RABEP1: variants seen among roughly 807,000 people sequenced by gnomAD.
The protein encoded by RABEP1 is rabaptin, RAB GTPase binding effector protein 1.
Under a neutral mutation model 123.4 loss-of-function variants are expected in RABEP1, and 51 were observed. That is an observed-to-expected ratio of 0.41 (90% confidence interval 0.33 to 0.52). The LOEUF is 0.52. Among genes scored for constraint, RABEP1 ranks in the 20% least tolerant of loss-of-function variants. The pLI is 0.16. For missense variants in RABEP1, 888 were observed against 996.3 expected (o/e 0.89, Z 1.46); for synonymous variants, 347 against 355.2 (o/e 0.98, Z 0.26).
At position 5,287,265 on chromosome 17, in the gene RABEP1, C is replaced by T. The variant is rs184832989; in HGVS notation, c.34+4745C>T. ...TATGTTTTAAAAAAATCACTCTGGG[C>T]CAAAGTGCTGGGATTACAGGCGAGG... On this transcript the variant is annotated intron_variant, in intron 1 of 17. Coordinates refer to ENST00000537505, the MANE Select transcript of RABEP1 (RefSeq NM_004703.6). Among the ~76,000 whole-genome samples, 8 of 152,142 alleles carry T rather than the reference C, an allele frequency of 5.3e-5. No homozygotes were observed. The East Asian group carries it at 1.4e-3, about 26-fold the overall frequency.
At position 5,367,328 on chromosome 17, in the gene RABEP1, G is replaced by A. The variant is rs543525261; in HGVS notation, c.1786-1042G>A. 1.4e-3 allele frequency among the ~76,000 whole-genome samples: 216 copies of A among 151,880 alleles called. 1 individual carries two copies. The highest frequency in any genetic ancestry group is 3.4e-3 in the Middle Eastern group (1 of 294). The stretch of plus-strand genomic sequence containing the variant: ...GCTGTGTCGCCCAGGCTAGAGTGCA[G>A]TGGCACGATCTTGGCTCACTGCAAC... On this transcript the variant is annotated intron_variant, in intron 11 of 17. Coordinates refer to ENST00000537505, the MANE Select transcript of RABEP1 (RefSeq NM_004703.6).
At chr17:5,342,808 A>G (rs1907728139) in intron 5 of RABEP1, among the ~76,000 whole-genome samples, 1 of 152,238 alleles carries the variant, frequency 6.6e-6, no homozygotes, top group South Asian at 2.1e-4. Context: ...TAGCAGGACC[A>G]CAGTAAAGCT....
At position 5,346,903 on chromosome 17, in the gene RABEP1, A is replaced by T. The variant is rs1908109579; in HGVS notation, c.762A>T (p.Lys254Asn). ...QKSVLQEDAE[K>N]LRKELHEVCH... ...CTGTTCTACAGGAAGATGCTGAGAAACTGCGGAAAGAATTGCATGAAGGTA... is the reference window on the plus strand; with the variant it reads ...CTGTTCTACAGGAAGATGCTGAGAATCTGCGGAAAGAATTGCATGAAGGTA... Residue 254 changes from lysine (K) to asparagine (N), a missense_variant, in exon 6 of 18, where the codon AAA becomes AAT. Coordinates refer to ENST00000537505, the MANE Select transcript of RABEP1 (RefSeq NM_004703.6). 1 of 1,605,110 alleles carries T rather than the reference A, an allele frequency of 6.2e-7. No individual in the cohort carries two copies. The highest frequency in any genetic ancestry group is 1.3e-5 in the African/African-American group (1 of 74,758).
chr17:5,290,878 T>G (rs2075026727), intron 1 of RABEP1, among the ~76,000 whole-genome samples: 1 of 152,172 alleles, frequency 6.6e-6, no homozygotes, highest in Non-Finnish European at 1.5e-5. Context: ...TACAGGTGTG[T>G]GCCACCAGAC....
At chr17:5,370,615 C>A (rs1453278844) in intron 12 of RABEP1, among the ~76,000 whole-genome samples, 3 of 152,100 alleles carry the variant, frequency 2.0e-5, no homozygotes, top group Non-Finnish European at 2.9e-5. Context: ...CTGATTATCT[C>A]CTTGTGATTT....
Position 5,386,027 on chromosome 17 carries a change from T to C in RABEP1, c.*2804T>C. ...TGTAGGCTTGAGTTATAAAGCACATTCCAAATTTTAAATAAAAGCATTTAC... is the reference window on the plus strand; with the variant it reads ...TGTAGGCTTGAGTTATAAAGCACATCCCAAATTTTAAATAAAAGCATTTAC... On this transcript the variant is annotated 3_prime_UTR_variant, in exon 18 of 18. Transcript: ENST00000537505. The C allele has an allele frequency of 1.8e-6, 1 of 553,576 alleles. No homozygotes were observed. The highest frequency in any genetic ancestry group is 3.6e-5 in the Admixed American group (1 of 27,694). 34.3% of individuals were successfully genotyped at this position (553,576 alleles called of 1,614,324 possible).
At chr17:5,347,616 T>C (rs1287755523) in intron 6 of RABEP1, among the ~76,000 whole-genome samples, 2 of 152,142 alleles carry the variant, frequency 1.3e-5, no homozygotes, top group Non-Finnish European at 2.9e-5. Context: ...CACTCTGTTT[T>C]TAAGGGGACA....
At chr17:5,337,533 T>A (rs1907209635) in intron 4 of RABEP1, among the ~76,000 whole-genome samples, 1 of 149,000 alleles carries the variant, frequency 6.7e-6, no homozygotes, top group Non-Finnish European at 1.5e-5. Context: ...AAAATAATAA[T>A]AAAAAAAAAA....
chr17:5,373,285 G>A (rs1156373448), intron 12 of RABEP1, 29 bp from the exon 13 acceptor site: 1 of 1,600,818 alleles, frequency 6.2e-7, no homozygotes, highest in Admixed American at 1.7e-5. Flanking sequence ...TACCTTTCTG[G>A]CTGTGATTAG....
intron 1 of RABEP1, chr17:5,284,123 T>A (rs1471788447): frequency 1.3e-5 from 2 of 152,172 alleles, no homozygotes; most frequent in Non-Finnish European, 1.5e-5. Context: ...GAAAGAAACG[T>A]CTAGGGCAGC....
intron 1 of RABEP1, among the ~76,000 whole-genome samples, chr17:5,308,465 A>G (rs1433772810): frequency 1.3e-5 from 2 of 152,150 alleles, no homozygotes. Context: ...ACCTCGGGTG[A>G]TCCGCCCGCC....
chr17:5,382,362 G>A (rs1051652329), intron 17 of RABEP1, among the ~76,000 whole-genome samples: 3 of 151,672 alleles, frequency 2.0e-5, no homozygotes, highest in Non-Finnish European at 4.4e-5. Flanking sequence ...GATTACAGGC[G>A]TGAGCCACCG....
intron 6 of RABEP1, among the ~76,000 whole-genome samples, chr17:5,347,599 TA>T (rs1299457373): frequency 6.6e-6 from 1 of 152,160 alleles, no homozygotes; most frequent in Non-Finnish European, 1.5e-5. Flanking sequence ...CTGGAGGCCC[TA>T]AGTAACACTC....
At chr17:5,315,638 G>A (rs980541035) in intron 2 of RABEP1, among the ~76,000 whole-genome samples, 15 of 152,092 alleles carry the variant, frequency 9.9e-5, no homozygotes. Context: ...ATCACTTGAG[G>A]TCAGGAGTTT....
intron 16 of RABEP1, among the ~76,000 whole-genome samples, chr17:5,380,834 C>A (rs753149882): frequency 6.6e-6 from 1 of 152,196 alleles, no homozygotes; most frequent in Non-Finnish European, 1.5e-5. Flanking sequence ...TGATGAGTTC[C>A]GTTAGAATAA....
Position 5,301,771 on chromosome 17 carries a change from TA to T in RABEP1, c.35-6909del, listed in dbSNP as rs765534217. 3.9e-3 allele frequency among the ~76,000 whole-genome samples: 556 copies of T among 143,320 alleles called. 1 individual carries two copies. The highest frequency in any genetic ancestry group is 7.4e-3 in the Middle Eastern group (2 of 272). 94.0% of individuals were successfully genotyped at this position (143,320 alleles called of 152,430 possible). A position where few individuals can be genotyped will look rare whatever the true frequency, so the allele number is the denominator to read the frequency against. ...CTTAGGCCTAACCAATAACTTTGTT[TA>T]AAAAAAAAAAAAATCAACCACCTGC... On this transcript the variant is annotated intron_variant, in intron 1 of 17. Transcript: ENST00000537505.
At chr17:5,303,304 C>T (rs980342610) in intron 1 of RABEP1, among the ~76,000 whole-genome samples, 4 of 152,014 alleles carry the variant, frequency 2.6e-5, no homozygotes, top group African/African-American at 7.3e-5. Context: ...TGCAGTGGTG[C>T]GATCTTGGCT....
At chr17:5,370,582 T>C (rs183644224) in intron 12 of RABEP1, among the ~76,000 whole-genome samples, 2 of 152,334 alleles carry the variant, frequency 1.3e-5, no homozygotes, top group Admixed American at 1.3e-4. Flanking sequence ...TTTCAGGCCA[T>C]CTGTCTTGTA....
At chr17:5,335,048 T>C (rs1906931213) in intron 3 of RABEP1, 136 bp from the exon 4 acceptor site, 1 of 638,854 alleles carries the variant, frequency 1.6e-6, no homozygotes, top group Non-Finnish European at 2.6e-6. Flanking sequence ...ACAACTAGTT[T>C]GTCTTGTTTT....
Sources: gnomAD v4.1 joint callset for allele counts (sites outside exome capture counted in the v4.1 genomes callset) on GRCh38, gnomAD v4.1.1 for gene constraint, MANE v1.5 for transcripts, NCBI Gene and HGNC (gene_info 2026-07-23, HGNC 2026-07-21) for gene names.